ADCYAP1R1: variants seen among roughly 807,000 people sequenced by gnomAD.
ADCYAP1R1 encodes the protein ADCYAP receptor type I.
A neutral mutation model predicts 67.6 loss-of-function variants in ADCYAP1R1; 44 were observed. The observed-to-expected ratio is 0.65, with a 90% confidence interval of 0.51 to 0.84. The LOEUF (loss-of-function observed/expected upper bound fraction) is 0.84. Ranked by LOEUF, ADCYAP1R1 falls within the 40% of genes least tolerant of loss-of-function variation. The pLI is 0.00. For missense variants in ADCYAP1R1, 477 were observed against 587.9 expected (o/e 0.81, Z 1.95); for synonymous variants, 222 against 219.6 (o/e 1.01, Z -0.10).
At position 31,077,980 on chromosome 7, in the gene ADCYAP1R1, C is replaced by G; in HGVS notation, c.158-11C>G. 3.1e-6 allele frequency: 5 copies of G among 1,595,540 alleles called. No individual in the cohort carries two copies. Among genetic ancestry groups the G allele is most frequent in the Non-Finnish European group, 4.3e-6 (5 of 1,170,638 alleles). On this transcript the variant is annotated splice_polypyrimidine_tract_variant and intron_variant, in intron 3 of 15. Transcript: ENST00000304166. ...GGCTGGCCCCTCTCACCATGGCTGT[C>G]TTACCCACAGGCTGTCCTGGGATGT...
At chr7:31,061,020 A>G (rs1794478669) in intron 1 of ADCYAP1R1, among the ~76,000 whole-genome samples, 1 of 152,162 alleles carries the variant, frequency 6.6e-6, no homozygotes, top group South Asian at 2.1e-4. Context: ...CAGGTTTCAT[A>G]CTGGGGTCAG....
chr7:31,063,217 C>A lies in ADCYAP1R1; in HGVS notation c.-48C>A. ...AGCCCAGAGACACATTGGGGCTGAC[C>A]TGCCGCTGCTGTCAGTGGGAGGCCA... On this transcript the variant is annotated 5_prime_UTR_variant, in exon 2 of 16. The change creates a new upstream start codon in the 5' untranslated region. Transcript: ENST00000304166. 6.2e-7 allele frequency: 1 copy of A among 1,612,364 alleles called. No homozygotes were observed. The highest frequency in any genetic ancestry group is 8.5e-7 in the Non-Finnish European group (1 of 1,178,428).
At chr7:31,094,089 A>C (rs1245815426) in intron 13 of ADCYAP1R1, among the ~76,000 whole-genome samples, 1 of 151,864 alleles carries the variant, frequency 6.6e-6, no homozygotes, top group African/African-American at 2.4e-5. Flanking sequence ...GGTTTTTTCT[A>C]CCTATACAAT....
intron 3 of ADCYAP1R1, among the ~76,000 whole-genome samples, chr7:31,071,678 C>A (rs1352016905): frequency 1.3e-5 from 2 of 152,176 alleles, no homozygotes; most frequent in African/African-American, 2.4e-5. Flanking sequence ...GGCCTATTCT[C>A]TCCTGTTTTC....
At chr7:31,078,181 A>T in intron 4 of ADCYAP1R1, 83 bp downstream of exon 4, 2 of 1,115,604 alleles carry the variant, frequency 1.8e-6, no homozygotes, top group Non-Finnish European at 2.6e-6. Flanking sequence ...AAGGACAGGG[A>T]GGCCACCCTG....
At chr7:31,065,617 C>T (rs1051358733) in intron 3 of ADCYAP1R1, among the ~76,000 whole-genome samples, 1 of 152,178 alleles carries the variant, frequency 6.6e-6, no homozygotes, top group Middle Eastern at 3.2e-3. Flanking sequence ...GAACCAGTGG[C>T]CCCATCGAAC....
intron 12 of ADCYAP1R1, among the ~76,000 whole-genome samples, chr7:31,092,109 C>T (rs1795986166): frequency 6.8e-6 from 1 of 148,048 alleles, no homozygotes; most frequent in African/African-American, 2.5e-5. Context: ...CTTTGCTTCC[C>T]TTCCTCCTCC....
intron 3 of ADCYAP1R1, among the ~76,000 whole-genome samples, chr7:31,068,649 C>T (rs767090075): frequency 6.6e-6 from 1 of 152,162 alleles, no homozygotes; most frequent in Non-Finnish European, 1.5e-5. Context: ...GAGGTCTCGG[C>T]CTCTAATGAC....
chr7:31,069,647 C>T (rs931536335), intron 3 of ADCYAP1R1, among the ~76,000 whole-genome samples: 3 of 152,134 alleles, frequency 2.0e-5, no homozygotes, highest in East Asian at 1.9e-4. Context: ...TACTTGTTTC[C>T]TTCAAGCCCC....
At chr7:31,069,687 C>G (rs1173691595) in intron 3 of ADCYAP1R1, among the ~76,000 whole-genome samples, 1 of 152,082 alleles carries the variant, frequency 6.6e-6, no homozygotes, top group East Asian at 1.9e-4. Flanking sequence ...GACCTCTACC[C>G]TAAAGAGAAC....
intron 3 of ADCYAP1R1, among the ~76,000 whole-genome samples, chr7:31,072,444 G>T (rs1170716073): frequency 1.3e-5 from 2 of 152,148 alleles, no homozygotes; most frequent in Non-Finnish European, 2.9e-5. Context: ...TTGCAGACTT[G>T]CCAGCCAGGT....
At chr7:31,100,405 G>A (rs561587409) in intron 13 of ADCYAP1R1, among the ~76,000 whole-genome samples, 1 of 151,922 alleles carries the variant, frequency 6.6e-6, no homozygotes, top group African/African-American at 2.4e-5. Flanking sequence ...TGGGTGGGCA[G>A]GGTGTGGGGA....
intron 11 of ADCYAP1R1, 85 bp from the exon 12 acceptor site, chr7:31,087,542 A>T (rs1795800757): frequency 8.1e-7 from 1 of 1,240,596 alleles, no homozygotes; most frequent in African/African-American, 1.5e-5. Flanking sequence ...AGTGTCGGGC[A>T]CCCAGCTAGG....
chr7:31,079,513 C>T (rs1259052802), intron 4 of ADCYAP1R1, among the ~76,000 whole-genome samples: 7 of 152,252 alleles, frequency 4.6e-5, no homozygotes, highest in African/African-American at 1.7e-4. Flanking sequence ...AGGCTCCACT[C>T]CAGCACTGAG....
intron 13 of ADCYAP1R1, among the ~76,000 whole-genome samples, chr7:31,096,774 G>A (rs1281537786): frequency 1.3e-5 from 2 of 152,104 alleles, no homozygotes; most frequent in African/African-American, 4.8e-5. Context: ...GCAGGGCTCC[G>A]GGGGTGCACA....
rs1265642576 is a variant in ADCYAP1R1, at chr7:31,106,634, A to G, written c.1357A>G (p.Ser453Gly). ...GTQLSILSKS[S>G]SQIRMSGLPA... Reference sequence around the variant, plus strand: ...CCAGCTCTCCATCCTGAGCAAGAGCAGCTCCCAAATCCGCATGTCTGGCCT... The same window carrying G: ...CCAGCTCTCCATCCTGAGCAAGAGCGGCTCCCAAATCCGCATGTCTGGCCT... Residue 453 changes from serine (S) to glycine (G), a missense_variant, in exon 16 of 16, where the codon AGC becomes GGC. Ser to Gly is a moderately conservative substitution (Grantham distance 56). Coordinates refer to ENST00000304166, the MANE Select transcript of ADCYAP1R1 (RefSeq NM_001118.5). 6.2e-7 allele frequency: 1 copy of G among 1,613,412 alleles called. No individual in the cohort carries two copies.
At chr7:31,068,198 C>T (rs1040760064) in intron 3 of ADCYAP1R1, among the ~76,000 whole-genome samples, 4 of 149,738 alleles carry the variant, frequency 2.7e-5, no homozygotes, top group Admixed American at 6.6e-5. Flanking sequence ...CTCTCAGACA[C>T]GCACGCATGT....
chr7:31,053,187 G>A (rs1435234152), intron 1 of ADCYAP1R1, among the ~76,000 whole-genome samples: 1 of 152,162 alleles, frequency 6.6e-6, no homozygotes, highest in African/African-American at 2.4e-5. Context: ...AATGTGCTAG[G>A]TGGGGGTTGG....
Position 31,087,705 on chromosome 7 carries a change from C to T in ADCYAP1R1, c.954+9C>T, listed in dbSNP as rs1396752233. ...TGGTTGGCTCTATCATGGTGAGTGTCCTTGGGATGAAGAGGAAGGGAAGAG... is the reference window on the plus strand; with the variant it reads ...TGGTTGGCTCTATCATGGTGAGTGTTCTTGGGATGAAGAGGAAGGGAAGAG... On this transcript the variant is annotated intron_variant, in intron 12 of 15. Coordinates refer to ENST00000304166, the MANE Select transcript of ADCYAP1R1 (RefSeq NM_001118.5). 1 of 1,611,194 alleles carries T rather than the reference C, an allele frequency of 6.2e-7. No homozygotes were observed. The highest frequency in any genetic ancestry group is 2.2e-5 in the East Asian group (1 of 44,706).
Sources: allele counts gnomAD v4.1 joint callset (sites outside exome capture counted in the v4.1 genomes callset), GRCh38; gene constraint gnomAD v4.1.1; transcripts MANE v1.5; gene names NCBI Gene and HGNC (gene_info 2026-07-23, HGNC 2026-07-21).